SLC37A1: variants seen among roughly 807,000 people sequenced by gnomAD.
SLC37A1 encodes glucose-6-phosphate exchanger SLC37A1.
In SLC37A1, 49 loss-of-function variants were observed where a neutral mutation model predicts 75.3. That is an observed-to-expected ratio of 0.65 (90% confidence interval 0.52 to 0.83). SLC37A1 has a LOEUF of 0.83. SLC37A1 is among the 40% of genes least tolerant of loss of function. The pLI is 0.00. For missense variants in SLC37A1, 566 were observed against 695.0 expected, an observed-to-expected ratio of 0.81 and a Z score of 2.09; for synonymous variants, 268 against 292.1, an observed-to-expected ratio of 0.92 and a Z score of 0.84.
intron 17 of SLC37A1, among the ~76,000 whole-genome samples, chr21:42,571,778 T>C (rs892865107): frequency 7.1e-6 from 1 of 141,516 alleles, no homozygotes; most frequent in African/African-American, 2.7e-5. Context: ...AATAGATACA[T>C]CTTGTTTTTT....
At chr21:42,574,110 C>G (rs1331141149) in intron 17 of SLC37A1, among the ~76,000 whole-genome samples, 1 of 152,204 alleles carries the variant, frequency 6.6e-6, no homozygotes, top group Non-Finnish European at 1.5e-5. Flanking sequence ...ACACATGCTG[C>G]CCCTTTCCTC....
At chr21:42,550,482 C>T (rs1446175340) in intron 9 of SLC37A1, among the ~76,000 whole-genome samples, 1 of 152,040 alleles carries the variant, frequency 6.6e-6, no homozygotes, top group Non-Finnish European at 1.5e-5. Context: ...AAAGAAAATC[C>T]CAGGACCAGA....
chr21:42,553,972 C>A (rs759790896), intron 9 of SLC37A1, 90 bp from the exon 10 acceptor site: 7 of 1,065,678 alleles, frequency 6.6e-6, no homozygotes, highest in African/African-American at 1.6e-5. Flanking sequence ...TTTTTTGGGA[C>A]GATAGTAAGT....
intron 1 of SLC37A1, among the ~76,000 whole-genome samples, chr21:42,501,921 G>A (rs563205120): frequency 6.6e-6 from 1 of 152,052 alleles, no homozygotes; most frequent in Non-Finnish European, 1.5e-5. Flanking sequence ...GTCTAAGGGT[G>A]GATCAGATTT....
chr21:42,536,889 T>C lies in SLC37A1; in HGVS notation c.350+1339T>C, dbSNP rs368997592. Among the ~76,000 whole-genome samples, 10 of 152,338 alleles carry C rather than the reference T, an allele frequency of 6.6e-5. 1 individual carries two copies. The highest frequency in any genetic ancestry group is 2.4e-4 in the African/African-American group (10 of 41,576). On this transcript the variant is annotated intron_variant, in intron 5 of 19. Coordinates refer to ENST00000352133, the MANE Select transcript of SLC37A1 (RefSeq NM_001320537.2). The stretch of plus-strand genomic sequence containing the variant: ...CCTGTACCTCTCAACACAGTTATAC[T>C]GGGGACCAAGCCTCAACACAAGTTT...
intron 18 of SLC37A1, chr21:42,575,718 G>A: frequency 4.1e-6 from 4 of 985,278 alleles, no homozygotes; most frequent in East Asian, 1.1e-4. Flanking sequence ...GAGAATTTCA[G>A]AAATATCAAC....
chr21:42,574,359 G>A (rs2056259908), intron 17 of SLC37A1, among the ~76,000 whole-genome samples: 1 of 152,218 alleles, frequency 6.6e-6, no homozygotes, highest in Admixed American at 6.5e-5. Flanking sequence ...ACATTGCAAT[G>A]TCAACACACA....
chr21:42,538,549 A>T (rs1043828226), intron 5 of SLC37A1, among the ~76,000 whole-genome samples: 4 of 152,226 alleles, frequency 2.6e-5, no homozygotes, highest in Non-Finnish European at 5.9e-5. Context: ...GACCCTACAG[A>T]AGAAAGTGAG....
At chr21:42,567,744 C>T (rs552421380) in intron 16 of SLC37A1, among the ~76,000 whole-genome samples, 5 of 152,230 alleles carry the variant, frequency 3.3e-5, no homozygotes, top group African/African-American at 1.2e-4. Flanking sequence ...CACTGTTTCC[C>T]CTGATCTTTT....
At chr21:42,565,507 C>T (rs884983) in intron 14 of SLC37A1, among the ~76,000 whole-genome samples, 1 of 152,066 alleles carries the variant, frequency 6.6e-6, no homozygotes, top group African/African-American at 2.4e-5. Flanking sequence ...CAGTCAGACT[C>T]GCAAATCAGG....
At chr21:42,569,555 A>G (rs1318999068) in intron 17 of SLC37A1, among the ~76,000 whole-genome samples, 1 of 123,562 alleles carries the variant, frequency 8.1e-6, no homozygotes, top group Non-Finnish European at 1.8e-5. Flanking sequence ...CTCGTGCCGC[A>G]CTCCCTCGTG....
chr21:42,521,978 C>G (rs2054660486), intron 2 of SLC37A1, among the ~76,000 whole-genome samples: 1 of 152,232 alleles, frequency 6.6e-6, no homozygotes, highest in Non-Finnish European at 1.5e-5. Context: ...TCTGCAGGCT[C>G]CGGGGACAGA....
rs1450270747 is a variant in SLC37A1, at chr21:42,547,175, A to G, written c.768+35A>G. ...CTGTTTTCTTGTCCTTTTCTAGAAC[A>G]GTGTGCGGTTCTGACCACTTCCCCA... On this transcript the variant is annotated intron_variant, in intron 9 of 19. Coordinates refer to ENST00000352133, the MANE Select transcript of SLC37A1 (RefSeq NM_001320537.2). The surrounding 1 kb of genome is among the most constrained non-coding windows in gnomAD (Gnocchi z 6.1). The G allele has an allele frequency of 6.2e-7, 1 of 1,613,166 alleles. No homozygotes were observed. The highest frequency in any genetic ancestry group is 8.5e-7 in the Non-Finnish European group (1 of 1,179,230).
chr21:42,553,911 A>G (rs1165156946), intron 9 of SLC37A1, 151 bp from the exon 10 acceptor site: 2 of 526,606 alleles, frequency 3.8e-6, no homozygotes, highest in Middle Eastern at 4.9e-4. Context: ...TGGAGTGTTG[A>G]GATCAACCAT....
chr21:42,518,746 TC>T (rs1472861272), intron 2 of SLC37A1, among the ~76,000 whole-genome samples: 2 of 152,168 alleles, frequency 1.3e-5, no homozygotes, highest in African/African-American at 2.4e-5. Flanking sequence ...CCGCGTGGTC[TC>T]CAGTGGTTTC....
At chr21:42,505,507 A>G (rs1434643863) in intron 2 of SLC37A1, among the ~76,000 whole-genome samples, 2 of 152,096 alleles carry the variant, frequency 1.3e-5, no homozygotes, top group South Asian at 2.1e-4. Flanking sequence ...TGTGTCTCCC[A>G]GGTGGGTAGC....
chr21:42,564,921 A>C, intron 14 of SLC37A1, 128 bp downstream of exon 14: 22 of 807,434 alleles, frequency 2.7e-5, no homozygotes, highest in Non-Finnish European at 3.9e-5. Flanking sequence ...ATTCCCTCTC[A>C]TGCCTCCTGT....
At chr21:42,501,737 A>C (rs1334631895) in intron 1 of SLC37A1, among the ~76,000 whole-genome samples, 1 of 152,192 alleles carries the variant, frequency 6.6e-6, no homozygotes, top group Admixed American at 6.5e-5. Context: ...AAAAACAAAA[A>C]CAAAACTATT....
At chr21:42,541,293 G>T (rs187399150) in intron 6 of SLC37A1, among the ~76,000 whole-genome samples, 9 of 152,312 alleles carry the variant, frequency 5.9e-5, no homozygotes, top group Non-Finnish European at 1.0e-4. Flanking sequence ...AATAGGCCAC[G>T]GATCAGGACT....
Sources: gnomAD v4.1 joint callset for allele counts (sites outside exome capture counted in the v4.1 genomes callset) on GRCh38, gnomAD v4.1.1 for gene constraint, Gnocchi (gnomAD v3.1) non-coding constraint, MANE v1.5 for transcripts, NCBI Gene and HGNC (gene_info 2026-07-23, HGNC 2026-07-21) for gene names.